MYOM1: variants seen among roughly 807,000 people sequenced by gnomAD.
The protein encoded by MYOM1 is myomesin 1.
In MYOM1, 164 loss-of-function variants were observed where a neutral mutation model predicts 205.3. That is an observed-to-expected ratio of 0.80 (90% CI 0.70 to 0.91). MYOM1 has a LOEUF of 0.91. MYOM1 is among the 40% of genes least tolerant of loss of function. MYOM1 has a pLI of 0.00. For missense variants in MYOM1, 2,011 were observed against 2,127.3 expected (o/e 0.95, Z 1.08); for synonymous variants, 772 against 789.4 (o/e 0.98, Z 0.37).
chr18:3,170,959 A>G (rs1054676671), intron 8 of MYOM1, among the ~76,000 whole-genome samples: 9 of 152,198 alleles, frequency 5.9e-5, no homozygotes, highest in African/African-American at 1.9e-4. Flanking sequence ...ATGCAAGCTG[A>G]CATTTATTGA....
At chr18:3,186,892 GAGAA>G (rs1008097419) in intron 5 of MYOM1, among the ~76,000 whole-genome samples, 29 of 134,510 alleles carry the variant, frequency 2.2e-4, no homozygotes, top group Non-Finnish European at 3.8e-4. Flanking sequence ...AAGAAAGAAA[GAGAA>G]AGAAGGAAGG....
chr18:3,166,312 C>T (rs1305448473), intron 9 of MYOM1, among the ~76,000 whole-genome samples: 1 of 143,412 alleles, frequency 7.0e-6, no homozygotes, highest in Non-Finnish European at 1.5e-5. Context: ...AGTCTGTCAT[C>T]CAGGCTAGAG....
chr18:3,221,250 A>C (rs1274025871), upstream of MYOM1, among the ~76,000 whole-genome samples: 2 of 152,050 alleles, frequency 1.3e-5, no homozygotes, highest in Admixed American at 1.3e-4. Flanking sequence ...AAACTCCTGG[A>C]CTCGAGTAAT....
chr18:3,167,803 A>T (rs1013345147), intron 9 of MYOM1, among the ~76,000 whole-genome samples: 5 of 152,182 alleles, frequency 3.3e-5, no homozygotes, highest in Admixed American at 3.3e-4. Flanking sequence ...GTGTTACTTT[A>T]AATATACTTT....
At chr18:3,139,347 T>G (rs1244064029) in intron 14 of MYOM1, among the ~76,000 whole-genome samples, 1 of 152,176 alleles carries the variant, frequency 6.6e-6, no homozygotes. Flanking sequence ...GGAAAAAGTT[T>G]GGGTGTAAAA....
At chr18:3,094,471 A>T (rs946219338) in intron 25 of MYOM1, among the ~76,000 whole-genome samples, 165 bp from the exon 26 acceptor site, 3 of 151,646 alleles carry the variant, frequency 2.0e-5, no homozygotes, top group African/African-American at 7.3e-5. Flanking sequence ...GGAAAGCCTT[A>T]GATTAAAGAC....
At chr18:3,139,110 T>A (rs973850668) in intron 14 of MYOM1, among the ~76,000 whole-genome samples, 5 of 152,130 alleles carry the variant, frequency 3.3e-5, no homozygotes, top group Non-Finnish European at 5.9e-5. Flanking sequence ...GGAGACCCCA[T>A]CTCTACAAAA....
At chr18:3,205,060 CA>C (rs1268105985) in intron 2 of MYOM1, among the ~76,000 whole-genome samples, 2 of 152,032 alleles carry the variant, frequency 1.3e-5, no homozygotes, top group Admixed American at 1.3e-4. Context: ...ATATTATACA[CA>C]AAAAGTTACT....
At chr18:3,140,865 T>G (rs1490559687) in intron 14 of MYOM1, among the ~76,000 whole-genome samples, 1 of 152,222 alleles carries the variant, frequency 6.6e-6, no homozygotes, top group African/African-American at 2.4e-5. Flanking sequence ...CTTTTCATGC[T>G]ATCACACAAT....
chr18:3,194,340 C>A (rs2080963753), intron 2 of MYOM1, among the ~76,000 whole-genome samples: 1 of 152,152 alleles, frequency 6.6e-6, no homozygotes, highest in Admixed American at 6.5e-5. Context: ...CTTTTGGGAG[C>A]TTATTTAAAA....
chr18:3,198,790 GA>G (rs796981410), intron 2 of MYOM1, among the ~76,000 whole-genome samples: 1,094 of 95,520 alleles, frequency 0.011, 11 homozygotes, highest in East Asian at 0.058. Context: ...CTCAAAAAAA[GA>G]AAAAAAAAAA....
chr18:3,104,156 G>A lies in MYOM1; in HGVS notation c.3419-1526C>T, dbSNP rs368845564. ...TGACTAATCTTCACACTCTATTTTCGTATAATAAATGTTGAACAAATGCTT... is the reference window on the plus strand; with the variant it reads ...TGACTAATCTTCACACTCTATTTTCATATAATAAATGTTGAACAAATGCTT... On this transcript the variant is annotated intron_variant, in intron 22 of 37. Transcript: ENST00000356443. Among the ~76,000 whole-genome samples the A allele has an allele frequency of 2.6e-4, 39 of 151,920 alleles. 1 individual carries two copies. Among genetic ancestry groups the A allele is most frequent in the Admixed American group, 2.5e-3 (38 of 15,268 alleles).
At chr18:3,149,434 G>C (rs1402454047) in intron 12 of MYOM1, among the ~76,000 whole-genome samples, 1 of 152,214 alleles carries the variant, frequency 6.6e-6, no homozygotes, top group African/African-American at 2.4e-5. Flanking sequence ...GACTGGCTGA[G>C]TAGATGTTTC....
At chr18:3,151,319 T>A (rs890601477) in intron 12 of MYOM1, among the ~76,000 whole-genome samples, 2 of 151,932 alleles carry the variant, frequency 1.3e-5, no homozygotes, top group African/African-American at 4.8e-5. Flanking sequence ...TTATTTTTAT[T>A]ATTTTTGGAA....
At position 3,112,189 on chromosome 18, in the gene MYOM1, T is replaced by G. The variant is rs147299197; in HGVS notation, c.3418+109A>C. On this transcript the variant is annotated intron_variant, in intron 22 of 37. Transcript: ENST00000356443. ...TCATTACTTATCAATTATATTCAGATAGCACACATTGATTGTTTTGAAAAT... is the reference window on the plus strand; with the variant it reads ...TCATTACTTATCAATTATATTCAGAGAGCACACATTGATTGTTTTGAAAAT... The G allele has an allele frequency of 7.9e-4, 644 of 810,168 alleles. 9 individuals are homozygous for G. The East Asian group carries it at 0.017, about 22-fold the overall frequency. The allele number at this position is 810,168 out of a possible 1,614,324, so 50.2% of individuals were successfully genotyped here.
intron 5 of MYOM1, among the ~76,000 whole-genome samples, chr18:3,182,069 T>C (rs2080741321): frequency 6.6e-6 from 1 of 152,120 alleles, no homozygotes; most frequent in African/African-American, 2.4e-5. Flanking sequence ...TTATAAATGC[T>C]TTGCTTGAGG....
At chr18:3,169,414 AG>A (rs1290403557) in intron 8 of MYOM1, among the ~76,000 whole-genome samples, 1 of 152,222 alleles carries the variant, frequency 6.6e-6, no homozygotes, top group Non-Finnish European at 1.5e-5. Context: ...TCATCTGACA[AG>A]GGATTAATAA....
chr18:3,085,972 A>C (rs2143692272), intron 30 of MYOM1, 66 bp downstream of exon 30: 1 of 948,310 alleles, frequency 1.1e-6, no homozygotes, highest in Admixed American at 2.0e-5. Context: ...GAATCTAGTT[A>C]CTGTTTTGGG....
intron 2 of MYOM1, among the ~76,000 whole-genome samples, chr18:3,200,936 C>T (rs188704372): frequency 4.7e-4 from 72 of 152,156 alleles, no homozygotes; most frequent in African/African-American, 1.7e-3. Context: ...CTGGAAATAT[C>T]GAAGTCAAAC....
Sources: allele counts gnomAD v4.1 joint callset (sites outside exome capture counted in the v4.1 genomes callset), GRCh38; gene constraint gnomAD v4.1.1; transcripts MANE v1.5; gene names NCBI Gene and HGNC (gene_info 2026-07-23, HGNC 2026-07-21).